Variants in RBFOX3 observed in about 807,000 individuals in gnomAD.
The protein encoded by RBFOX3 is RNA binding fox-1 homolog 3.
In RBFOX3, 17 loss-of-function variants were observed where a neutral mutation model predicts 48.7. That is an observed-to-expected ratio of 0.35 (90% CI 0.24 to 0.52). The LOEUF is 0.52. Among genes scored for constraint, RBFOX3 ranks in the 20% least tolerant of loss-of-function variants. The pLI, the probability that RBFOX3 is intolerant of heterozygous loss-of-function variation, is 0.94. For synonymous variants in RBFOX3, 212 were observed against 209.5 expected, an observed-to-expected ratio of 1.01 and a Z score of -0.10; for missense variants, 382 against 497.5, an observed-to-expected ratio of 0.77 and a Z score of 2.21.
Position 79,114,577 on chromosome 17 carries a change from C to T in RBFOX3, c.222+917G>A, listed in dbSNP as rs997086422. ...GCAGCACGCTGGGAGCCAGGCTGGACGGCAGGAGGGCTGAGGCAGTCGGGA... is the reference window on the plus strand; with the variant it reads ...GCAGCACGCTGGGAGCCAGGCTGGATGGCAGGAGGGCTGAGGCAGTCGGGA... On this transcript the variant is annotated intron_variant, in intron 5 of 14. Coordinates refer to ENST00000693108, the MANE Select transcript of RBFOX3 (RefSeq NM_001350451.2). Among the ~76,000 whole-genome samples the T allele has an allele frequency of 5.3e-5, 8 of 152,350 alleles. No individual in the cohort carries two copies. In the East Asian group the frequency reaches 5.8e-4, roughly 11 times the overall value.
At chr17:79,222,075 C>G (rs56018847) in intron 4 of RBFOX3, among the ~76,000 whole-genome samples, 84 of 152,292 alleles carry the variant, frequency 5.5e-4, no homozygotes, top group Non-Finnish European at 1.0e-3. Context: ...CTGATTTCTA[C>G]CCGTTGCCTG....
intron 2 of RBFOX3, among the ~76,000 whole-genome samples, chr17:79,375,592 A>C (rs1481690806): frequency 6.6e-6 from 1 of 152,194 alleles, no homozygotes; most frequent in East Asian, 1.9e-4. Context: ...TGGGACACAC[A>C]GGTGTGCAAA....
intron 2 of RBFOX3, among the ~76,000 whole-genome samples, chr17:79,394,927 C>T (rs368506893): frequency 3.9e-5 from 6 of 152,162 alleles, no homozygotes; most frequent in Non-Finnish European, 5.9e-5. Flanking sequence ...GCAGGTGGGA[C>T]GACGCAGAGA....
chr17:79,324,445 T>C (rs1310072487), intron 2 of RBFOX3, among the ~76,000 whole-genome samples: 2 of 152,032 alleles, frequency 1.3e-5, no homozygotes, highest in African/African-American at 2.4e-5. Context: ...TTTCAAGGGC[T>C]AGTGAGGAGT....
chr17:79,378,565 G>A (rs2059505718), intron 2 of RBFOX3, among the ~76,000 whole-genome samples: 1 of 152,228 alleles, frequency 6.6e-6, no homozygotes, highest in South Asian at 2.1e-4. Context: ...CAAGGACAGG[G>A]TTCGGATGGG....
rs1000845661 is a variant in RBFOX3, at chr17:79,111,804, CGAGT to C, written c.222+3686_222+3689del. Among the ~76,000 whole-genome samples the C allele has an allele frequency of 5.3e-5, 8 of 152,332 alleles. No homozygotes were observed. The highest frequency in any genetic ancestry group is 1.9e-4 in the East Asian group (1 of 5,174). On this transcript the variant is annotated intron_variant, in intron 5 of 14. Transcript: ENST00000693108. This position sits in a 1 kb window ranked among gnomAD's most constrained non-coding sequence, Gnocchi z 4.2. ...CACAGTACTGGCACCTGCGTGACCC[CGAGT>C]GAGTGAATACATGCTCCAGATGGTG... is the stretch of plus-strand genomic sequence containing the variant.
At chr17:79,439,181 C>G (rs543777011) in intron 2 of RBFOX3, among the ~76,000 whole-genome samples, 23 of 152,166 alleles carry the variant, frequency 1.5e-4, no homozygotes, top group Non-Finnish European at 2.6e-4. Context: ...CAGGTCTGGC[C>G]GTAAATCCCA....
chr17:79,137,638 G>C (rs1261097743), intron 4 of RBFOX3, among the ~76,000 whole-genome samples: 2 of 151,344 alleles, frequency 1.3e-5, no homozygotes, highest in Non-Finnish European at 2.9e-5. Flanking sequence ...CTGGCGCCTG[G>C]CCTGGCCCGG....
intron 1 of RBFOX3, among the ~76,000 whole-genome samples, chr17:79,563,818 C>G (rs2092349197): frequency 6.6e-6 from 1 of 152,168 alleles, no homozygotes; most frequent in African/African-American, 2.4e-5. Flanking sequence ...GTTCTCCACC[C>G]ACAGAGCTGG....
chr17:79,622,830 T>C, the RBFOX3 span, among the ~76,000 whole-genome samples: 1 of 152,192 alleles, frequency 6.6e-6, no homozygotes, highest in South Asian at 2.1e-4. Flanking sequence ...GCCCATGATA[T>C]ACCTGTTTCT....
At chr17:79,649,687 C>T in the RBFOX3 span, among the ~76,000 whole-genome samples, 1 of 152,068 alleles carries the variant, frequency 6.6e-6, no homozygotes, top group East Asian at 1.9e-4. Context: ...GCCGACAGAG[C>T]AACACTCCAC....
At chr17:79,107,263 C>T (rs985003815) in intron 5 of RBFOX3, among the ~76,000 whole-genome samples, 8 of 152,214 alleles carry the variant, frequency 5.3e-5, no homozygotes, top group African/African-American at 1.9e-4. Context: ...GAAGGTGCTG[C>T]CCTTCGTGTC....
intron 2 of RBFOX3, among the ~76,000 whole-genome samples, chr17:79,312,088 AG>A (rs1322223612): frequency 6.6e-6 from 1 of 152,178 alleles, no homozygotes; most frequent in African/African-American, 2.4e-5. Flanking sequence ...CACAGTTAGC[AG>A]CGCTACCGTA....
chr17:79,438,527 C>T (rs1386098070), intron 2 of RBFOX3, among the ~76,000 whole-genome samples: 3 of 152,250 alleles, frequency 2.0e-5, no homozygotes, highest in Admixed American at 6.5e-5. Flanking sequence ...GGATCTTGAA[C>T]ATTCGCCCTC....
At chr17:79,580,798 C>T (rs1296872165) in intron 1 of RBFOX3, among the ~76,000 whole-genome samples, 1 of 152,176 alleles carries the variant, frequency 6.6e-6, no homozygotes, top group Non-Finnish European at 1.5e-5. Context: ...ATGGCAGACA[C>T]GACTTCCAGC....
intron 2 of RBFOX3, among the ~76,000 whole-genome samples, chr17:79,325,594 C>T (rs1041331395): frequency 6.6e-5 from 10 of 152,240 alleles, no homozygotes; most frequent in African/African-American, 2.4e-4. Flanking sequence ...TCACTCAAAG[C>T]CACCTCTTCT....
intron 2 of RBFOX3, among the ~76,000 whole-genome samples, chr17:79,393,296 A>C (rs1278603872): frequency 6.6e-6 from 1 of 152,240 alleles, no homozygotes; most frequent in African/African-American, 2.4e-5. Flanking sequence ...CCCACACCCC[A>C]ACCCCACACT....
chr17:79,228,950 G>A (rs1202416908), intron 4 of RBFOX3, among the ~76,000 whole-genome samples: 1 of 152,134 alleles, frequency 6.6e-6, no homozygotes, highest in African/African-American at 2.4e-5. Flanking sequence ...GGAGAGGGCC[G>A]GGCGCAGTGG....
At chr17:79,167,816 A>T (rs1599770178) in intron 4 of RBFOX3, among the ~76,000 whole-genome samples, 3 of 152,188 alleles carry the variant, frequency 2.0e-5, no homozygotes, top group Non-Finnish European at 4.4e-5. Context: ...TGCCCCCGGG[A>T]CCCTGGAAGC....
Sources: allele counts gnomAD v4.1 joint callset (sites outside exome capture counted in the v4.1 genomes callset), GRCh38; gene constraint gnomAD v4.1.1; non-coding constraint Gnocchi (gnomAD v3.1); transcripts MANE v1.5; gene names NCBI Gene and HGNC (gene_info 2026-07-23, HGNC 2026-07-21).